The following P2RX4 variants were observed in gnomAD, a reference collection of about 807,000 sequenced individuals.
P2RX4 encodes P2X purinoceptor 4.
A neutral mutation model predicts 48.0 loss-of-function variants in P2RX4; 37 were observed. The observed-to-expected ratio is 0.77, with a 90% CI of 0.59 to 1.01. P2RX4 has a LOEUF of 1.01. Ranked by LOEUF, P2RX4 falls within the 50% of genes least tolerant of loss-of-function variation. The pLI, the probability that P2RX4 is intolerant of heterozygous loss-of-function variation, is 0.00. For synonymous variants in P2RX4, 200 were observed against 199.7 expected, an observed-to-expected ratio of 1.00 and a Z score of -0.01; for missense variants, 501 against 521.4, an observed-to-expected ratio of 0.96 and a Z score of 0.38.
At position 121,210,289 on chromosome 12, in the gene P2RX4, A is replaced by G; in HGVS notation, c.125A>G (p.Tyr42Cys). The change falls in exon 1 of 12, where the codon TAC (tyrosine) becomes TGC (cysteine). Residue 42 changes from tyrosine to cysteine, a missense_variant. Around this residue, in one of 3 missense-constraint regions of P2RX4, gnomAD observed 295 missense variants for 275.3 expected, o/e 1.07. Coordinates refer to ENST00000337233, the MANE Select transcript of P2RX4 (RefSeq NM_002560.3). ...GCCGTGCAACTGCTCATCCTGGCCTACGTCATCGGGTGAGCGTGGGGCCGC... is the reference window on the plus strand; with the variant it reads ...GCCGTGCAACTGCTCATCCTGGCCTGCGTCATCGGGTGAGCGTGGGGCCGC... ...NRAVQLLILA[Y>C]VIGWVFVWEK... 1 of 1,548,288 alleles carries G rather than the reference A, an allele frequency of 6.5e-7. No individual in the cohort carries two copies.
At chr12:121,217,741 T>G (rs564398034) in intron 2 of P2RX4, among the ~76,000 whole-genome samples, 1 of 138,846 alleles carries the variant, frequency 7.2e-6, no homozygotes, top group African/African-American at 2.7e-5. Context: ...GCCTGGGCAA[T>G]GTGGTGAAAC....
intron 5 of P2RX4, among the ~76,000 whole-genome samples, chr12:121,224,423 G>A (rs1435071112): frequency 6.6e-6 from 1 of 151,982 alleles, no homozygotes; most frequent in Non-Finnish European, 1.5e-5. Context: ...GGCCAACATG[G>A]AGAAACCCCG....
rs1374061158 is a variant in P2RX4 at position 121,233,172 on chromosome 12, G to A, written c.1140+80G>A. ...AGCCCTGGGCGTGGGCCTGTCTGGG[G>A]AGGCCCTTCTGCAGAGGCTGGCACC... On this transcript the variant is annotated intron_variant, in intron 11 of 11. Transcript: ENST00000337233. 3 of 984,646 alleles carry A rather than the reference G, an allele frequency of 3.0e-6. No individual in the cohort carries two copies. The African/African-American group carries it at 4.9e-5, about 16-fold the overall frequency. 61.0% of individuals were successfully genotyped at this position (984,646 alleles called of 1,614,324 possible). A position where few individuals can be genotyped will look rare whatever the true frequency, so the allele number is the denominator to read the frequency against.
chr12:121,223,966 C>T (rs1886818775), intron 5 of P2RX4, among the ~76,000 whole-genome samples: 1 of 152,198 alleles, frequency 6.6e-6, no homozygotes. Flanking sequence ...ACTCGCAGGA[C>T]CCACAGCATA....
chr12:121,217,772 A>G lies in P2RX4; in HGVS notation c.282+491A>G, dbSNP rs986116849. On this transcript the variant is annotated intron_variant, in intron 2 of 11. Coordinates refer to ENST00000337233, the MANE Select transcript of P2RX4 (RefSeq NM_002560.3). ...GAAACCCCATCTCTATAAAAAAAAA[A>G]AAAAAGAAAAAAAAAGAAAAGAATT... Among the ~76,000 whole-genome samples the G allele has an allele frequency of 3.2e-4, 48 of 151,170 alleles. 1 individual carries two copies. Among genetic ancestry groups the G allele is most frequent in the African/African-American group, 1.1e-3 (46 of 41,386 alleles).
rs978137103 is a variant in P2RX4, at chr12:121,228,509, A to G, written c.525-24A>G. The G allele has an allele frequency of 7.3e-6, 11 of 1,508,504 alleles. No homozygotes were observed. In the African/African-American group the frequency reaches 8.2e-5, roughly 11 times the overall value. The allele number at this position is 1,508,504 out of a possible 1,614,324, so 93.4% of individuals were successfully genotyped here. ...GAGTATTTGTATGTATTTTATTAAC[A>G]GTAATGTTATCATTGTTTTTCAGAC... On this transcript the variant is annotated intron_variant, in intron 5 of 11. Transcript: ENST00000337233.
chr12:121,214,583 T>A (rs1886099376), intron 1 of P2RX4: 1 of 152,202 alleles, frequency 6.6e-6, no homozygotes, highest in Admixed American at 6.5e-5. Flanking sequence ...TCACTGTACT[T>A]GATGAGTACA....
chr12:121,223,783 G>A (rs1383363370), intron 5 of P2RX4, among the ~76,000 whole-genome samples: 2 of 152,202 alleles, frequency 1.3e-5, no homozygotes, highest in Non-Finnish European at 2.9e-5. Flanking sequence ...GCCAGGCTGA[G>A]GCAGAAGAAT....
Position 121,229,144 on chromosome 12 carries a change from G to A in P2RX4, c.884+45G>A. ...CCTCGCTCATGTTGTAGGGGGTGCT[G>A]GTGGCTGCGTACGTGCCAGTGGGCC... is the stretch of plus-strand genomic sequence containing the variant. On this transcript the variant is annotated intron_variant, in intron 8 of 11. Coordinates refer to ENST00000337233, the MANE Select transcript of P2RX4 (RefSeq NM_002560.3). The surrounding 1 kb of genome is among the most constrained non-coding windows in gnomAD (Gnocchi z 4.6). 2 of 1,612,692 alleles carry A rather than the reference G, an allele frequency of 1.2e-6. No individual in the cohort carries two copies. Among genetic ancestry groups the A allele is most frequent in the Non-Finnish European group, 8.5e-7 (1 of 1,179,236 alleles).
intron 5 of P2RX4, among the ~76,000 whole-genome samples, chr12:121,224,909 AAAAG>A (rs1054620300): frequency 6.0e-4 from 92 of 152,204 alleles, no homozygotes; most frequent in African/African-American, 2.2e-3. Context: ...AGGAGATAGA[AAAAG>A]AAAAGGAATC....
chr12:121,228,367 CAA>C (rs1178066693), intron 5 of P2RX4, among the ~76,000 whole-genome samples, 164 bp from the exon 6 acceptor site: 4,546 of 80,840 alleles, frequency 0.056, 103 homozygotes, highest in South Asian at 0.077. Flanking sequence ...GACTCCATCT[CAA>C]AAAAAAAAAA....
At position 121,223,287 on chromosome 12, in the gene P2RX4, G is replaced by A. The variant is rs1012800108; in HGVS notation, c.524+244G>A. ...GACGGGGTTTTGCCATGTTGGCCAC[G>A]CTGGTCTCCAACTCCTGACCTCAAG... On this transcript the variant is annotated intron_variant, in intron 5 of 11. Coordinates refer to ENST00000337233, the MANE Select transcript of P2RX4 (RefSeq NM_002560.3). 116 of 453,384 alleles carry A rather than the reference G, an allele frequency of 2.6e-4. No individual in the cohort carries two copies. The Admixed American group carries it at 3.1e-3, about 12-fold the overall frequency. 28.1% of individuals were successfully genotyped at this position (453,384 alleles called of 1,614,324 possible). A position where few individuals can be genotyped will look rare whatever the true frequency, so the allele number is the denominator to read the frequency against.
intron 4 of P2RX4, chr12:121,222,397 TG>T (rs1886685518): frequency 1.8e-6 from 1 of 552,402 alleles, no homozygotes; most frequent in South Asian, 2.4e-5. Context: ...TGTTTTTTCT[TG>T]TTTTTTTTTT....
intron 8 of P2RX4, among the ~76,000 whole-genome samples, chr12:121,230,991 T>TC (rs1566011707): frequency 2.7e-5 from 4 of 149,332 alleles, no homozygotes; most frequent in East Asian, 1.9e-4. Flanking sequence ...TATTTTTTTT[T>TC]TTTTCTTCTT....
At chr12:121,212,825 T>TATATATATATATATATATA (rs1555234768) in intron 1 of P2RX4, 1 of 31,146 alleles carries the variant, frequency 3.2e-5, no homozygotes, top group African/African-American at 1.6e-4. Context: ...TATATATATA[T>TATATATATATATATATATA]TTTTTTTTTT....
intron 5 of P2RX4, among the ~76,000 whole-genome samples, chr12:121,227,108 CA>C (rs1348398889): frequency 2.1e-3 from 289 of 136,862 alleles, no homozygotes; most frequent in African/African-American, 4.9e-3. Context: ...GACTCCATCT[CA>C]AAAAAAAAAA....
intron 5 of P2RX4, 124 bp downstream of exon 5, chr12:121,223,167 G>A (rs779436847): frequency 4.8e-5 from 32 of 660,608 alleles, no homozygotes; most frequent in Middle Eastern, 3.8e-4. Context: ...TCCACCTCCC[G>A]TGTTCAAGTG....
chr12:121,230,954 A>C (rs1887306595), intron 8 of P2RX4, among the ~76,000 whole-genome samples: 1 of 144,528 alleles, frequency 6.9e-6, no homozygotes, highest in Non-Finnish European at 1.5e-5. Context: ...ATATATAGCC[A>C]TTATATATAT....
intron 1 of P2RX4, chr12:121,215,217 T>C (rs1886149032): frequency 6.6e-6 from 1 of 152,170 alleles, no homozygotes; most frequent in African/African-American, 2.4e-5. Context: ...CAACGATGAC[T>C]CACAAACATT....
Sources: gnomAD v4.1 joint callset for allele counts (sites outside exome capture counted in the v4.1 genomes callset) on GRCh38, gnomAD v4.1.1 for gene constraint, gnomAD v4.1.1 regional missense constraint, Gnocchi (gnomAD v3.1) non-coding constraint, MANE v1.5 for transcripts, NCBI Gene and HGNC (gene_info 2026-07-23, HGNC 2026-07-21) for gene names.